Variants in CSMD3 observed in about 807,000 individuals in gnomAD.
CSMD3 encodes the protein CUB and sushi domain-containing protein 3.
Under a neutral mutation model 435.2 loss-of-function variants are expected in CSMD3, and 177 were observed. The ratio of observed to expected loss-of-function variants is 0.41; its 90% CI spans 0.36 to 0.46. The LOEUF (loss-of-function observed/expected upper bound fraction) is 0.46, where lower values mean the gene tolerates loss of function less well. Ranked by LOEUF, CSMD3 falls within the 20% of genes least tolerant of loss-of-function variation. CSMD3 has a pLI of 0.34. For missense variants in CSMD3, 4,265 were observed against 4,504.6 expected (o/e 0.95, Z 1.52); for synonymous variants, 1,656 against 1,520.5 (o/e 1.09, Z -2.07).
chr8:112,356,854 C>G (rs1376837322), intron 38 of CSMD3, among the ~76,000 whole-genome samples: 2 of 152,070 alleles, frequency 1.3e-5, no homozygotes, highest in Non-Finnish European at 2.9e-5. Context: ...CTTCACCAGC[C>G]CTGTGGAACT....
chr8:112,436,402 A>G (rs2130453656), intron 32 of CSMD3, among the ~76,000 whole-genome samples: 1 of 152,032 alleles, frequency 6.6e-6, no homozygotes, highest in Non-Finnish European at 1.5e-5. Flanking sequence ...ATACAGGAAA[A>G]GGTCCCCTTC....
rs143542657 is a variant in CSMD3, at chr8:112,640,575, T to C, written c.3311-1664A>G. 1.8e-3 allele frequency among the ~76,000 whole-genome samples: 270 copies of C among 151,256 alleles called. 1 individual carries two copies. Among genetic ancestry groups the C allele is most frequent in the African/African-American group, 6.0e-3 (249 of 41,260 alleles). Reference sequence around the variant, plus strand: ...TAAGGTACTATTTTCAAATTATTTTTCAAAATGCAAGTTTTGGTGTTTTTT... The same window carrying C: ...TAAGGTACTATTTTCAAATTATTTTCCAAAATGCAAGTTTTGGTGTTTTTT... On this transcript the variant is annotated intron_variant, in intron 20 of 70. Coordinates refer to ENST00000297405, the MANE Select transcript of CSMD3 (RefSeq NM_198123.2).
At chr8:112,810,619 T>C (rs1014220942) in intron 12 of CSMD3, among the ~76,000 whole-genome samples, 2 of 152,112 alleles carry the variant, frequency 1.3e-5, no homozygotes, top group Admixed American at 6.6e-5. Context: ...TATTAAATAC[T>C]GGAAGTTCAA....
At chr8:112,507,449 T>C (rs375492482) in intron 28 of CSMD3, among the ~76,000 whole-genome samples, 135 of 152,160 alleles carry the variant, frequency 8.9e-4, no homozygotes, top group African/African-American at 3.2e-3. Context: ...TTCAAAAAAA[T>C]AGAGAAATGA....
intron 12 of CSMD3, among the ~76,000 whole-genome samples, chr8:112,809,626 A>G (rs1461589098): frequency 6.6e-6 from 1 of 152,122 alleles, no homozygotes; most frequent in African/African-American, 2.4e-5. Context: ...TCCTGGTAAT[A>G]ATAGTTCCCA....
At chr8:113,005,790 T>C (rs1363320000) in intron 6 of CSMD3, among the ~76,000 whole-genome samples, 1 of 152,018 alleles carries the variant, frequency 6.6e-6, no homozygotes. Flanking sequence ...AATAAACAAA[T>C]TTGAAGTGTG....
chr8:112,654,777 A>G lies in CSMD3; in HGVS notation c.3004+1377T>C, dbSNP rs529042410. On this transcript the variant is annotated intron_variant, in intron 18 of 70. Coordinates refer to ENST00000297405, the MANE Select transcript of CSMD3 (RefSeq NM_198123.2). ...GTCCTGTTTTTGGTAAAGACCACAT[A>G]CCTTGGGTGGAATGGGATTGAATAC... Among the ~76,000 whole-genome samples the G allele has an allele frequency of 1.3e-4, 20 of 152,306 alleles. No individual in the cohort carries two copies. In the East Asian group the frequency reaches 3.3e-3, roughly 25 times the overall value.
rs576489167 is a variant in CSMD3, at chr8:112,724,929, A to G, written c.1973-34879T>C. On this transcript the variant is annotated intron_variant, in intron 13 of 70. Coordinates refer to ENST00000297405, the MANE Select transcript of CSMD3 (RefSeq NM_198123.2). Reference sequence around the variant, plus strand: ...TGATCTGTCAAGTAAAAAGTATACAAAGAATCCACTATTAGACTTAGCAAT... The same window carrying G: ...TGATCTGTCAAGTAAAAAGTATACAGAGAATCCACTATTAGACTTAGCAAT... Among the ~76,000 whole-genome samples the G allele has an allele frequency of 2.8e-4, 43 of 152,198 alleles. No individual in the cohort carries two copies. The South Asian group carries it at 8.7e-3, about 31-fold the overall frequency.
intron 10 of CSMD3, among the ~76,000 whole-genome samples, chr8:112,888,593 C>T (rs996745027): frequency 6.6e-5 from 10 of 151,668 alleles, no homozygotes; most frequent in African/African-American, 2.4e-4. Context: ...TTTGATTCTA[C>T]AGAAACCTCC....
At chr8:112,804,960 T>C (rs1471815039) in intron 12 of CSMD3, among the ~76,000 whole-genome samples, 2 of 152,212 alleles carry the variant, frequency 1.3e-5, no homozygotes, top group East Asian at 3.9e-4. Flanking sequence ...TTCTAGTAGT[T>C]GCTGGTGCTA....
intron 59 of CSMD3, among the ~76,000 whole-genome samples, chr8:112,267,487 T>C (rs1186636570): frequency 6.6e-6 from 1 of 152,142 alleles, no homozygotes; most frequent in Non-Finnish European, 1.5e-5. Context: ...TTTAAAAATT[T>C]ACAAGAATGT....
Position 113,029,254 on chromosome 8 carries a change from A to G in CSMD3, c.918-10075T>C, listed in dbSNP as rs188729700. Among the ~76,000 whole-genome samples, 120 of 151,648 alleles carry G rather than the reference A, an allele frequency of 7.9e-4. 1 individual carries two copies. Among genetic ancestry groups the G allele is most frequent in the African/African-American group, 2.7e-3 (112 of 41,488 alleles). Reference sequence around the variant, plus strand: ...ACACTATTCCACAAGATAAAGAAGGAACCCTCCCTAATTCATTCTAAGAAG... The same window carrying G: ...ACACTATTCCACAAGATAAAGAAGGGACCCTCCCTAATTCATTCTAAGAAG... On this transcript the variant is annotated intron_variant, in intron 5 of 70. Transcript: ENST00000297405.
intron 24 of CSMD3, among the ~76,000 whole-genome samples, chr8:112,558,723 G>T (rs1563701848): frequency 6.6e-6 from 1 of 151,866 alleles, no homozygotes; most frequent in African/African-American, 2.4e-5. Flanking sequence ...TGTGAGCAGA[G>T]AATTGGGTTT....
At chr8:112,699,818 T>A (rs901969158) in intron 13 of CSMD3, among the ~76,000 whole-genome samples, 1 of 152,126 alleles carries the variant, frequency 6.6e-6, no homozygotes, top group Non-Finnish European at 1.5e-5. Flanking sequence ...ATAAAAGGCT[T>A]ATACTCTTTA....
intron 3 of CSMD3, among the ~76,000 whole-genome samples, chr8:113,208,767 A>C (rs1314165658): frequency 6.6e-6 from 1 of 152,022 alleles, no homozygotes; most frequent in Non-Finnish European, 1.5e-5. Flanking sequence ...ATTTTGTCAA[A>C]TACCTTATAT....
chr8:113,147,054 C>G (rs2091692149), intron 4 of CSMD3, among the ~76,000 whole-genome samples: 1 of 151,458 alleles, frequency 6.6e-6, no homozygotes, highest in African/African-American at 2.4e-5. Context: ...ATACAACATG[C>G]AACATTATAT....
chr8:112,988,529 C>T (rs1352061776), intron 6 of CSMD3, among the ~76,000 whole-genome samples: 1 of 152,030 alleles, frequency 6.6e-6, no homozygotes, highest in African/African-American at 2.4e-5. Context: ...GTATCTGCTG[C>T]TCAATAGTTA....
intron 7 of CSMD3, among the ~76,000 whole-genome samples, chr8:112,963,376 G>T (rs2084304230): frequency 6.6e-6 from 1 of 151,858 alleles, no homozygotes; most frequent in African/African-American, 2.4e-5. Context: ...GTTTTGAAAT[G>T]TACTCTGATG....
intron 5 of CSMD3, among the ~76,000 whole-genome samples, chr8:113,058,170 A>C (rs1008787150): frequency 5.3e-5 from 8 of 151,950 alleles, no homozygotes; most frequent in Non-Finnish European, 1.0e-4. Flanking sequence ...CTTCTTTCAA[A>C]TAAATTTTAT....
Sources: gnomAD v4.1 joint callset for allele counts (sites outside exome capture counted in the v4.1 genomes callset) on GRCh38, gnomAD v4.1.1 for gene constraint, MANE v1.5 for transcripts, NCBI Gene and HGNC (gene_info 2026-07-23, HGNC 2026-07-21) for gene names.